EIF4G3: variants seen among roughly 807,000 people sequenced by gnomAD.
EIF4G3 encodes eukaryotic translation initiation factor 4 gamma 3.
EIF4G3 carries 34 observed loss-of-function variants against 186.4 expected under a neutral mutation model. That is an observed-to-expected ratio of 0.18 (90% CI 0.14 to 0.24). The LOEUF (loss-of-function observed/expected upper bound fraction) is 0.24. Among genes scored for constraint, EIF4G3 ranks in the 10% least tolerant of loss-of-function variants. The pLI is 1.00. For missense variants in EIF4G3, 1,536 were observed against 1,948.5 expected (o/e 0.79, Z 3.99); for synonymous variants, 673 against 679.5 (o/e 0.99, Z 0.15).
At chr1:21,059,443 C>T (rs547346990) in intron 3 of EIF4G3, among the ~76,000 whole-genome samples, 49 of 151,932 alleles carry the variant, frequency 3.2e-4, no homozygotes, top group Non-Finnish European at 6.2e-4. Flanking sequence ...AGCTGGTCTG[C>T]TCAACTAAAA....
intron 2 of EIF4G3, among the ~76,000 whole-genome samples, chr1:21,162,484 C>T (rs2097783377): frequency 6.7e-6 from 1 of 149,396 alleles, no homozygotes; most frequent in African/African-American, 2.5e-5. Context: ...CAGTGGCTCA[C>T]ACCTGTAATC....
intron 14 of EIF4G3, 87 bp downstream of exon 14, chr1:20,941,404 C>G (rs1285531263): frequency 6.2e-7 from 1 of 1,610,654 alleles, no homozygotes; most frequent in African/African-American, 1.3e-5. Flanking sequence ...TTCTGGAAGT[C>G]AAGGAAAGTA....
At chr1:20,880,787 A>T (rs2082098685) in intron 19 of EIF4G3, among the ~76,000 whole-genome samples, 1 of 152,160 alleles carries the variant, frequency 6.6e-6, no homozygotes, top group Admixed American at 6.6e-5. Context: ...GAAAACTATA[A>T]ATCACTGATG....
intron 10 of EIF4G3, among the ~76,000 whole-genome samples, chr1:20,974,595 C>T (rs2076479889): frequency 6.6e-6 from 1 of 152,034 alleles, no homozygotes; most frequent in Non-Finnish European, 1.5e-5. Flanking sequence ...ACCATGAGTA[C>T]AAATATTTTC....
At chr1:21,019,685 C>T (rs907472439) in intron 4 of EIF4G3, among the ~76,000 whole-genome samples, 1 of 152,106 alleles carries the variant, frequency 6.6e-6, no homozygotes, top group Non-Finnish European at 1.5e-5. Context: ...GAGATCGAGA[C>T]CATCCTGACC....
rs978877843 is a variant in EIF4G3 at position 21,076,351 on chromosome 1, A to G, written c.-196+12787T>C. Among the ~76,000 whole-genome samples, 3 of 152,192 alleles carry G rather than the reference A, an allele frequency of 2.0e-5. No individual in the cohort carries two copies. In the East Asian group the frequency reaches 5.8e-4, roughly 29 times the overall value. ...ATCCATGGGACACAGCAAAAGCAGTAGTAAAACGAAAGTTTATTGCAATAA... is the reference window on the plus strand; with the variant it reads ...ATCCATGGGACACAGCAAAAGCAGTGGTAAAACGAAAGTTTATTGCAATAA... On this transcript the variant is annotated intron_variant, in intron 3 of 36. Transcript: ENST00000602326.
intron 10 of EIF4G3, among the ~76,000 whole-genome samples, chr1:20,977,641 T>G (rs2077115951): frequency 6.6e-6 from 1 of 152,178 alleles, no homozygotes; most frequent in Admixed American, 6.5e-5. Flanking sequence ...GAGAATTTAC[T>G]GGGGAAGAAA....
At chr1:20,841,310 A>AT (rs1251207021) in intron 29 of EIF4G3, 1 of 209,116 alleles carries the variant, frequency 4.8e-6, no homozygotes, top group African/African-American at 2.3e-5. Context: ...GTTTTTATAA[A>AT]TAAAAAAAAT....
At chr1:20,865,295 CAAGA>C in intron 20 of EIF4G3, 33 bp from the exon 21 acceptor site, 1 of 1,606,242 alleles carries the variant, frequency 6.2e-7, no homozygotes, top group East Asian at 2.2e-5. Context: ...AAAAAATCAA[CAAGA>C]TTACTTAAAG....
chr1:20,995,362 T>C (rs1055725253), intron 7 of EIF4G3, among the ~76,000 whole-genome samples: 1 of 152,072 alleles, frequency 6.6e-6, no homozygotes, highest in Non-Finnish European at 1.5e-5. Context: ...TTTAGTAACA[T>C]GGTTCTTTTT....
At chr1:21,052,487 A>C (rs191244729) in intron 3 of EIF4G3, among the ~76,000 whole-genome samples, 84 of 152,314 alleles carry the variant, frequency 5.5e-4, no homozygotes, top group Non-Finnish European at 9.4e-4. Flanking sequence ...TATGACAACA[A>C]ATGATCTATA....
intron 2 of EIF4G3, among the ~76,000 whole-genome samples, chr1:21,112,697 T>C (rs552925380): frequency 5.5e-4 from 84 of 152,318 alleles, no homozygotes; most frequent in Non-Finnish European, 9.6e-4. Flanking sequence ...TTCTTTCTTA[T>C]AGCATTCAGC....
intron 2 of EIF4G3, among the ~76,000 whole-genome samples, chr1:21,103,658 A>T (rs2096565336): frequency 6.6e-6 from 1 of 152,176 alleles, no homozygotes; most frequent in African/African-American, 2.4e-5. Flanking sequence ...AGTCTGGCTA[A>T]CATGGTGAAA....
intron 17 of EIF4G3, 69 bp from the exon 18 acceptor site, chr1:20,893,705 A>C: frequency 7.0e-7 from 1 of 1,419,552 alleles, no homozygotes; most frequent in African/African-American, 1.4e-5. Flanking sequence ...AGATAACAAA[A>C]ATTTTTACTG....
intron 14 of EIF4G3, among the ~76,000 whole-genome samples, chr1:20,922,061 C>G (rs1271082382): frequency 6.6e-6 from 1 of 152,176 alleles, no homozygotes; most frequent in Non-Finnish European, 1.5e-5. Flanking sequence ...CTGATACAAA[C>G]TCTTTTTGAA....
At chr1:20,912,085 G>A (rs1348723245) in intron 14 of EIF4G3, among the ~76,000 whole-genome samples, 1 of 152,098 alleles carries the variant, frequency 6.6e-6, no homozygotes, top group Non-Finnish European at 1.5e-5. Context: ...AGACCAGCCT[G>A]GGCAACACAG....
chr1:21,006,207 C>A (rs2085036303), intron 4 of EIF4G3, among the ~76,000 whole-genome samples: 1 of 152,190 alleles, frequency 6.6e-6, no homozygotes, highest in Admixed American at 6.5e-5. Context: ...GATCTCTTCT[C>A]TGCATTTAAT....
intron 3 of EIF4G3, among the ~76,000 whole-genome samples, chr1:21,079,776 C>A (rs558168737): frequency 1.3e-5 from 2 of 151,760 alleles, no homozygotes; most frequent in East Asian, 3.9e-4. Flanking sequence ...AAGGCTGAGG[C>A]GGGAGAATTG....
At chr1:20,817,290 A>AAT in intron 34 of EIF4G3, 102 bp downstream of exon 34, 1 of 303,370 alleles carries the variant, frequency 3.3e-6, no homozygotes, top group Non-Finnish European at 4.7e-6. Context: ...AAAAAAATAA[A>AAT]AATAAAAATT....
Sources: gnomAD v4.1 joint callset for allele counts (sites outside exome capture counted in the v4.1 genomes callset) on GRCh38, gnomAD v4.1.1 for gene constraint, MANE v1.5 for transcripts, NCBI Gene and HGNC (gene_info 2026-07-23, HGNC 2026-07-21) for gene names.